The following CHN1 variants were observed in gnomAD, a reference collection of about 807,000 sequenced individuals.
CHN1 encodes the protein N-chimaerin.
In CHN1, 37 loss-of-function variants were observed where a neutral mutation model predicts 59.5. The observed-to-expected ratio is 0.62, with a 90% CI of 0.48 to 0.82. The LOEUF (loss-of-function observed/expected upper bound fraction) is 0.82, where lower values mean the gene tolerates loss of function less well. CHN1 is among the 40% of genes least tolerant of loss of function. The pLI is 0.00. For missense variants in CHN1, 469 were observed against 571.0 expected, an observed-to-expected ratio of 0.82 and a Z score of 1.82; for synonymous variants, 206 against 200.4, an observed-to-expected ratio of 1.03 and a Z score of -0.24.
At chr2:174,812,748 A>G (rs1224518657) in intron 8 of CHN1, among the ~76,000 whole-genome samples, 5 of 152,234 alleles carry the variant, frequency 3.3e-5, no homozygotes, top group African/African-American at 1.2e-4. Context: ...AAAAAAATCA[A>G]AATTAATGTT....
intron 5 of CHN1, among the ~76,000 whole-genome samples, chr2:174,889,881 ATGTG>A (rs111371037): frequency 7.6e-4 from 114 of 149,380 alleles, no homozygotes; most frequent in Admixed American, 1.7e-3. Flanking sequence ...ATAAATAAAT[ATGTG>A]TGTGTGTGTG....
At chr2:174,981,399 G>A (rs1012833394) in intron 1 of CHN1, among the ~76,000 whole-genome samples, 1 of 152,026 alleles carries the variant, frequency 6.6e-6, no homozygotes, top group African/African-American at 2.4e-5. Flanking sequence ...TTTTGTTACT[G>A]AAAACATTCC....
chr2:174,953,840 T>C (rs1030177854), intron 1 of CHN1, among the ~76,000 whole-genome samples: 1 of 152,102 alleles, frequency 6.6e-6, no homozygotes, highest in Non-Finnish European at 1.5e-5. Context: ...ATGCATAGCA[T>C]CAATATTGTG....
At chr2:174,990,231 G>C (rs940235581) in intron 1 of CHN1, among the ~76,000 whole-genome samples, 1 of 130,720 alleles carries the variant, frequency 7.6e-6, no homozygotes, top group Non-Finnish European at 1.6e-5. Flanking sequence ...TGTGTGGTGT[G>C]TCTGTGTGTG....
chr2:174,888,478 G>A (rs2105344422), intron 5 of CHN1, among the ~76,000 whole-genome samples: 1 of 152,280 alleles, frequency 6.6e-6, no homozygotes, highest in East Asian at 1.9e-4. Flanking sequence ...GGAAGAAAGG[G>A]CAATATGGGG....
intron 6 of CHN1, among the ~76,000 whole-genome samples, chr2:174,860,032 G>GT (rs1021461571): frequency 6.6e-6 from 1 of 152,076 alleles, no homozygotes; most frequent in Non-Finnish European, 1.5e-5. Context: ...GATACATGCA[G>GT]TTTTTTGTCA....
intron 1 of CHN1, among the ~76,000 whole-genome samples, chr2:174,987,009 T>TA (rs1691370580): frequency 6.6e-6 from 1 of 152,256 alleles, no homozygotes; most frequent in South Asian, 2.1e-4. Context: ...GTGCTGGGAT[T>TA]ACAGGCATGA....
chr2:174,955,158 G>GATCTATAGATCTAATATAGA, intron 1 of CHN1, among the ~76,000 whole-genome samples: 2 of 117,826 alleles, frequency 1.7e-5, no homozygotes, highest in African/African-American at 6.7e-5. Flanking sequence ...ATATATCTAT[G>GATCTATAGATCTAATATAGA]TCTATATATC....
intron 4 of CHN1, among the ~76,000 whole-genome samples, chr2:174,915,682 A>C (rs1340373302): frequency 6.6e-6 from 1 of 152,186 alleles, no homozygotes; most frequent in Non-Finnish European, 1.5e-5. Flanking sequence ...TGAACACTCA[A>C]GTCCAAAGCA....
rs1187260677 is a variant in CHN1 at position 174,824,448 on chromosome 2, C to A, written c.698G>T (p.Gly233Val). Residue 233 changes from glycine to valine, a missense_variant, in exon 8 of 13, where the codon GGA becomes GTA. Coordinates refer to ENST00000409900, the MANE Select transcript of CHN1 (RefSeq NM_001822.7). Reference sequence around the variant, plus strand: ...AGAGCTCTTACCTGCACATTTCACTCCCTGAGCAATGAGACCCCACATAAA... The same window carrying A: ...AGAGCTCTTACCTGCACATTTCACTACCTGAGCAATGAGACCCCACATAAA... Reference protein sequence around the residue: ...ANFMWGLIAQGVKCADCGLNV... With the variant: ...ANFMWGLIAQVVKCADCGLNV... 1.2e-6 allele frequency: 2 copies of A among 1,606,090 alleles called. No homozygotes were observed. The highest frequency in any genetic ancestry group is 1.7e-5 in the Admixed American group (1 of 59,384).
At chr2:174,821,941 G>A (rs2105398234) in intron 8 of CHN1, among the ~76,000 whole-genome samples, 1 of 152,252 alleles carries the variant, frequency 6.6e-6, no homozygotes, top group South Asian at 2.1e-4. Flanking sequence ...AATTAGAAGC[G>A]GACATCTCTG....
At chr2:174,877,452 C>T (rs1423821790) in intron 6 of CHN1, among the ~76,000 whole-genome samples, 7 of 151,946 alleles carry the variant, frequency 4.6e-5, no homozygotes, top group South Asian at 2.1e-4. Context: ...AGTAAATTAT[C>T]TTTAAGGAAA....
At chr2:174,902,987 T>C (rs901178913) in intron 5 of CHN1, among the ~76,000 whole-genome samples, 4 of 152,214 alleles carry the variant, frequency 2.6e-5, no homozygotes, top group African/African-American at 9.7e-5. Flanking sequence ...CATTTTATCA[T>C]TTTCTAAGAT....
intron 3 of CHN1, among the ~76,000 whole-genome samples, chr2:174,933,845 T>C (rs1035011406): frequency 5.3e-5 from 8 of 152,188 alleles, no homozygotes; most frequent in Non-Finnish European, 7.4e-5. Context: ...CTATCACCTA[T>C]GAGGTTAAGC....
intron 6 of CHN1, among the ~76,000 whole-genome samples, chr2:174,871,641 G>A (rs551223596): frequency 1.3e-5 from 2 of 152,152 alleles, no homozygotes; most frequent in African/African-American, 2.4e-5. Flanking sequence ...GTGGTCTGCT[G>A]GGCTATGATA....
intron 6 of CHN1, chr2:174,847,773 CAAAAAAAAAAAAAAAAA>C (rs71031072): frequency 1.3e-5 from 3 of 238,418 alleles, no homozygotes; most frequent in African/African-American, 1.2e-4. Context: ...TGGCTCAAGG[CAAAAAAAAAAAAAAAAA>C]AAAAAAAAAA....
chr2:174,924,977 A>G lies in CHN1; in HGVS notation c.115-6412T>C, dbSNP rs1206997731. 3.9e-5 allele frequency among the ~76,000 whole-genome samples: 6 copies of G among 152,240 alleles called. No individual in the cohort carries two copies. The East Asian group carries it at 1.2e-3, about 29-fold the overall frequency. Reference sequence around the variant, plus strand: ...CTCCAATTTTCTGTATTTAGTAGTTAACATTTTTTCATTGATACCATAAAA... The same window carrying G: ...CTCCAATTTTCTGTATTTAGTAGTTGACATTTTTTCATTGATACCATAAAA... On this transcript the variant is annotated intron_variant, in intron 3 of 12. Coordinates refer to ENST00000409900, the MANE Select transcript of CHN1 (RefSeq NM_001822.7).
chr2:174,863,992 T>A (rs886227212), intron 6 of CHN1, among the ~76,000 whole-genome samples: 1 of 152,202 alleles, frequency 6.6e-6, no homozygotes, highest in African/African-American at 2.4e-5. Context: ...AGTAAGACCA[T>A]CTTTAATTTT....
intron 1 of CHN1, among the ~76,000 whole-genome samples, chr2:174,980,567 G>T (rs990494765): frequency 6.6e-6 from 1 of 152,180 alleles, no homozygotes; most frequent in East Asian, 1.9e-4. Flanking sequence ...CCTAATTGAA[G>T]AATTAAGCTT....
Sources: gnomAD v4.1 joint callset for allele counts (sites outside exome capture counted in the v4.1 genomes callset) on GRCh38, gnomAD v4.1.1 for gene constraint, MANE v1.5 for transcripts, NCBI Gene and HGNC (gene_info 2026-07-23, HGNC 2026-07-21) for gene names.